The following MACROD2 variants were observed in gnomAD, a reference collection of about 807,000 sequenced individuals.
The protein encoded by MACROD2 is mono-ADP ribosylhydrolase 2.
A neutral mutation model predicts 70.4 loss-of-function variants in MACROD2; 36 were observed. The ratio of observed to expected loss-of-function variants is 0.51; its 90% CI spans 0.39 to 0.68. The LOEUF (loss-of-function observed/expected upper bound fraction) is 0.68, where lower values mean the gene tolerates loss of function less well. MACROD2 is among the 30% of genes least tolerant of loss of function. The probability of loss-of-function intolerance (pLI) is 0.00; values close to 1 mark genes in which losing one functional copy is unlikely to be tolerated. For missense variants in MACROD2, 496 were observed against 538.4 expected, an observed-to-expected ratio of 0.92 and a Z score of 0.78; for synonymous variants, 172 against 178.8, an observed-to-expected ratio of 0.96 and a Z score of 0.30.
At chr20:15,205,700 C>A (rs2076695489) in intron 5 of MACROD2, among the ~76,000 whole-genome samples, 1 of 152,206 alleles carries the variant, frequency 6.6e-6, no homozygotes, top group Non-Finnish European at 1.5e-5. Context: ...GAATTTAAAT[C>A]CCTGCCACAA....
chr20:15,387,501 C>CT (rs1255665621), intron 6 of MACROD2, among the ~76,000 whole-genome samples: 2 of 151,062 alleles, frequency 1.3e-5, no homozygotes, highest in African/African-American at 4.9e-5. Flanking sequence ...TTCTCCATTC[C>CT]TTTTCCCCCC....
At chr20:15,677,867 G>A (rs2050088167) in intron 8 of MACROD2, among the ~76,000 whole-genome samples, 6 of 152,146 alleles carry the variant, frequency 3.9e-5, no homozygotes, top group Admixed American at 3.9e-4. Flanking sequence ...AAGAGATTGA[G>A]GCCATCCTGG....
At chr20:14,519,768 A>G (rs2085143784) in intron 4 of MACROD2, among the ~76,000 whole-genome samples, 1 of 152,214 alleles carries the variant, frequency 6.6e-6, no homozygotes, top group South Asian at 2.1e-4. Context: ...ATGCATATGT[A>G]TGTTAATCGC....
chr20:15,044,391 C>A (rs1268527554), intron 5 of MACROD2, among the ~76,000 whole-genome samples: 1 of 152,170 alleles, frequency 6.6e-6, no homozygotes, highest in African/African-American at 2.4e-5. Flanking sequence ...TTCAAAATGG[C>A]ACAATCAAGA....
chr20:14,580,216 G>T (rs1222635087), intron 4 of MACROD2, among the ~76,000 whole-genome samples: 2 of 152,160 alleles, frequency 1.3e-5, no homozygotes, highest in Non-Finnish European at 2.9e-5. Flanking sequence ...TATTGTATAT[G>T]GTGGCTGATG....
At chr20:14,410,995 C>T (rs766197852) in intron 3 of MACROD2, among the ~76,000 whole-genome samples, 4 of 152,064 alleles carry the variant, frequency 2.6e-5, no homozygotes, top group Admixed American at 1.3e-4. Context: ...GGATTTTGGC[C>T]GACTTGAGGT....
At chr20:15,260,343 ATTT>A (rs71190182) in intron 6 of MACROD2, among the ~76,000 whole-genome samples, 1 of 145,680 alleles carries the variant, frequency 6.9e-6, no homozygotes. Flanking sequence ...CCATGAGATC[ATTT>A]TTTTTTTTTT....
chr20:15,902,894 A>G (rs552209845), intron 10 of MACROD2, among the ~76,000 whole-genome samples: 1 of 152,160 alleles, frequency 6.6e-6, no homozygotes, highest in South Asian at 2.1e-4. Flanking sequence ...GGAGCTAGGA[A>G]ATGCCCAAGT....
chr20:14,088,285 G>C (rs1253416038), intron 3 of MACROD2, among the ~76,000 whole-genome samples: 1 of 144,586 alleles, frequency 6.9e-6, no homozygotes, highest in African/African-American at 2.6e-5. Context: ...AGTCGAGATC[G>C]TGCCACTGCA....
chr20:15,004,450 G>T (rs900426325), intron 5 of MACROD2, among the ~76,000 whole-genome samples: 3 of 152,120 alleles, frequency 2.0e-5, no homozygotes, highest in African/African-American at 7.2e-5. Flanking sequence ...CCCTTTTAAA[G>T]CATATCATCA....
At chr20:14,782,048 C>T (rs1421334420) in intron 5 of MACROD2, among the ~76,000 whole-genome samples, 4 of 151,870 alleles carry the variant, frequency 2.6e-5, no homozygotes, top group African/African-American at 4.8e-5. Context: ...CTCAGCCTCC[C>T]GAGTAGCTGG....
intron 6 of MACROD2, among the ~76,000 whole-genome samples, chr20:15,295,488 C>T (rs1160704623): frequency 6.6e-6 from 1 of 151,902 alleles, no homozygotes; most frequent in Non-Finnish European, 1.5e-5. Flanking sequence ...TAACCAAAGA[C>T]TAGATGGAGG....
rs10523169 is a variant in MACROD2, at chr20:15,454,406, AACACACACAC to A, written c.571+23010_571+23019del. On this transcript the variant is annotated intron_variant, in intron 7 of 17. Coordinates refer to ENST00000684519, the MANE Select transcript of MACROD2 (RefSeq NM_001351661.2). ...ATATCCCTCTCATTTGACATATTCA[AACACACACAC>A]ACACACACACACACACACACACACA... 9.0e-3 allele frequency among the ~76,000 whole-genome samples: 1,239 copies of A among 137,520 alleles called. 19 individuals carry two copies. Among genetic ancestry groups the A allele is most frequent in the African/African-American group, 0.03 (1,045 of 35,038 alleles). The allele number at this position is 137,520 out of a possible 152,430, so 90.2% of individuals were successfully genotyped here. A position where few individuals can be genotyped will look rare whatever the true frequency, so the allele number is the denominator to read the frequency against.
chr20:14,771,670 CATATATAT>C (rs371522214), intron 5 of MACROD2, among the ~76,000 whole-genome samples: 7 of 133,550 alleles, frequency 5.2e-5, no homozygotes, highest in African/African-American at 1.9e-4. Flanking sequence ...CACACACACA[CATATATAT>C]ATATATTTAA....
intron 3 of MACROD2, among the ~76,000 whole-genome samples, chr20:14,356,523 G>A (rs982535876): frequency 1.1e-5 from 1 of 88,908 alleles, no homozygotes; most frequent in African/African-American, 4.6e-5. Flanking sequence ...TTTTTTTTTC[G>A]AGATGGAGTC....
intron 5 of MACROD2, among the ~76,000 whole-genome samples, chr20:14,902,477 C>T (rs1365867377): frequency 6.6e-6 from 1 of 152,144 alleles, no homozygotes; most frequent in African/African-American, 2.4e-5. Flanking sequence ...CTTCCTGAGG[C>T]ATTCTTTCAG....
chr20:14,141,302 G>C (rs2054869899), intron 3 of MACROD2, among the ~76,000 whole-genome samples: 1 of 152,142 alleles, frequency 6.6e-6, no homozygotes, highest in African/African-American at 2.4e-5. Context: ...TTTTCTCTAT[G>C]GTGCAGTATG....
intron 8 of MACROD2, among the ~76,000 whole-genome samples, chr20:15,562,243 C>T (rs368506121): frequency 1.3e-4 from 20 of 152,076 alleles, no homozygotes; most frequent in African/African-American, 3.1e-4. Flanking sequence ...GGAGCAGCTA[C>T]GTGAGGATTT....
intron 4 of MACROD2, chr20:14,631,699 C>G (rs950747863): frequency 6.6e-6 from 1 of 152,206 alleles, no homozygotes; most frequent in African/African-American, 2.4e-5. Flanking sequence ...GGCGTGAACC[C>G]AGGAGCGGAG....
Sources: gnomAD v4.1 joint callset for allele counts (sites outside exome capture counted in the v4.1 genomes callset) on GRCh38, gnomAD v4.1.1 for gene constraint, MANE v1.5 for transcripts, NCBI Gene and HGNC (gene_info 2026-07-23, HGNC 2026-07-21) for gene names.